Variants in VPS13D observed in about 807,000 individuals in gnomAD.
The protein encoded by VPS13D is intermembrane lipid transfer protein VPS13D.
VPS13D carries 187 observed loss-of-function variants against 461.9 expected under a neutral mutation model. The observed-to-expected ratio is 0.40, with a 90% CI of 0.36 to 0.46. The LOEUF is 0.46. VPS13D is among the 20% of genes least tolerant of loss of function. The pLI is 0.60. For missense variants in VPS13D, 4,711 were observed against 5,364.9 expected, an observed-to-expected ratio of 0.88 and a Z score of 3.81; for synonymous variants, 1,951 against 1,986.3, an observed-to-expected ratio of 0.98 and a Z score of 0.47.
At chr1:12,503,899 G>A (rs1010312340) in intron 68 of VPS13D, among the ~76,000 whole-genome samples, 3 of 152,196 alleles carry the variant, frequency 2.0e-5, no homozygotes, top group Non-Finnish European at 2.9e-5. Context: ...GTGAGGCAAA[G>A]GAAAGCCTGG....
intron 18 of VPS13D, 135 bp from the exon 19 acceptor site, chr1:12,275,690 A>G: frequency 7.4e-6 from 6 of 814,486 alleles, no homozygotes; most frequent in Non-Finnish European, 1.1e-5. Flanking sequence ...CAAAGATATT[A>G]TGCTTAAGAG....
At chr1:12,328,064 A>G (rs964935795) in intron 36 of VPS13D, among the ~76,000 whole-genome samples, 2 of 152,328 alleles carry the variant, frequency 1.3e-5, no homozygotes, top group South Asian at 2.1e-4. Context: ...GGGAATAGGA[A>G]TGGTCTTTGA....
At chr1:12,380,938 G>C (rs1160053342) in intron 57 of VPS13D, among the ~76,000 whole-genome samples, 1 of 152,196 alleles carries the variant, frequency 6.6e-6, no homozygotes, top group Non-Finnish European at 1.5e-5. Context: ...GAGGCAAAGA[G>C]GGCTTGTTAT....
intron 65 of VPS13D, among the ~76,000 whole-genome samples, chr1:12,424,271 G>A (rs139489200): frequency 1.5e-4 from 23 of 152,338 alleles, no homozygotes; most frequent in Admixed American, 1.2e-3. Context: ...GTACCTTCGA[G>A]TTGTTGTACA....
chr1:12,262,973 G>A (rs963532377), intron 13 of VPS13D, among the ~76,000 whole-genome samples: 4 of 152,112 alleles, frequency 2.6e-5, no homozygotes, highest in Admixed American at 6.5e-5. Flanking sequence ...CAAAGTGCCA[G>A]GATTACAGGC....
At position 12,277,959 on chromosome 1, in the gene VPS13D, C is replaced by G; in HGVS notation, c.4371C>G (p.Ser1457=). 1 of 1,614,178 alleles carries G rather than the reference C, an allele frequency of 6.2e-7. No homozygotes were observed. Among genetic ancestry groups the G allele is most frequent in the Non-Finnish European group, 8.5e-7 (1 of 1,180,040 alleles). The change falls in exon 19 of 70, where the codon TCC becomes TCG. Residue 1457 remains serine (S), a synonymous_variant. Transcript: ENST00000620676. ...GAAGCCGGATGTTTTGCCCACCTTC[C>G]GGGTCTGGCAGTGCCAACAGTCAGG... ...SEGSRMFCPP[S]GSGSANSQEE... is the part of the protein sequence containing the mutation.
Position 12,507,508 on chromosome 1 carries a change from G to C in VPS13D, c.13035+415G>C. On this transcript the variant is annotated intron_variant, in intron 69 of 69. Transcript: ENST00000620676. This position sits in a 1 kb window ranked among gnomAD's most constrained non-coding sequence, Gnocchi z 5.3. Reference sequence around the variant, plus strand: ...TCTCCATTGTTTCTCCTTAACAGTGGAAACCGTAACTTTTGTTCTAGTAGC... The same window carrying C: ...TCTCCATTGTTTCTCCTTAACAGTGCAAACCGTAACTTTTGTTCTAGTAGC... The C allele has an allele frequency of 6.5e-6, 3 of 463,312 alleles. No homozygotes were observed. Among genetic ancestry groups the C allele is most frequent in the Non-Finnish European group, 4.3e-6 (1 of 233,364 alleles). The allele number at this position is 463,312 out of a possible 1,614,324, so 28.7% of individuals were successfully genotyped here. A position where few individuals can be genotyped will look rare whatever the true frequency, so the allele number is the denominator to read the frequency against.
intron 13 of VPS13D, among the ~76,000 whole-genome samples, chr1:12,265,279 A>C (rs1641233701): frequency 6.6e-6 from 1 of 152,160 alleles, no homozygotes; most frequent in Non-Finnish European, 1.5e-5. Context: ...TAATTTCAAC[A>C]TTCAAGTTTG....
chr1:12,276,005 C>A lies in VPS13D; in HGVS notation c.2417C>A (p.Ala806Glu). 1 of 1,613,840 alleles carries A rather than the reference C, an allele frequency of 6.2e-7. No individual in the cohort carries two copies. Among genetic ancestry groups the A allele is most frequent in the Non-Finnish European group, 8.5e-7 (1 of 1,179,998 alleles). Residue 806 changes from alanine to glutamate, a missense_variant, in exon 19 of 70, where the codon GCA becomes GAA. By Grantham distance (107) the Ala-to-Glu change is moderately radical. Coordinates refer to ENST00000620676, the MANE Select transcript of VPS13D (RefSeq NM_015378.4). This position sits in a 1 kb window ranked among gnomAD's most constrained non-coding sequence, Gnocchi z 4.5. Reference sequence around the variant, plus strand: ...GAGTTCAGTGAAGAACAGCTTCAAGCACATTTAATGAGCACAAAGATGTAT... The same window carrying A: ...GAGTTCAGTGAAGAACAGCTTCAAGAACATTTAATGAGCACAAAGATGTAT... ...GVEFSEEQLQ[A>E]HLMSTKMYER...
At chr1:12,248,352 G>A (rs1369767319) in intron 5 of VPS13D, among the ~76,000 whole-genome samples, 1 of 148,828 alleles carries the variant, frequency 6.7e-6, no homozygotes, top group Non-Finnish European at 1.5e-5. Context: ...TATTATTATT[G>A]TTATTATTAA....
rs537034740 is a variant in VPS13D at position 12,373,665 on chromosome 1, A to G, written c.10809-85A>G. The G allele has an allele frequency of 8.7e-6, 7 of 806,284 alleles. No individual in the cohort carries two copies. In the African/African-American group the frequency reaches 1.3e-4, roughly 15 times the overall value. 49.9% of individuals were successfully genotyped at this position (806,284 alleles called of 1,614,324 possible). A position where few individuals can be genotyped will look rare whatever the true frequency, so the allele number is the denominator to read the frequency against. On this transcript the variant is annotated intron_variant, in intron 54 of 69. Transcript: ENST00000620676. ...TAATAAAAGTTTTGGGCATTTGCTT[A>G]TTAATACTTGAATACATGTGTGAGT...
chr1:12,364,557 C>G (rs1228242737), intron 52 of VPS13D, among the ~76,000 whole-genome samples: 1 of 152,168 alleles, frequency 6.6e-6, no homozygotes, highest in Non-Finnish European at 1.5e-5. Context: ...TGAGGAACCA[C>G]CATAGGTTTC....
intron 5 of VPS13D, 144 bp downstream of exon 5, chr1:12,244,761 T>C (rs1314073617): frequency 4.2e-6 from 3 of 710,740 alleles, no homozygotes; most frequent in Non-Finnish European, 7.0e-6. Context: ...TCTGCCCTTT[T>C]GTAGGCTGTG....
In VPS13D at chr1:12,242,593, A is replaced by G; in HGVS notation, c.175+3A>G. On this transcript the variant is annotated splice_donor_region_variant and intron_variant, in intron 3 of 69. Transcript: ENST00000620676. ...ATTACCATTTGAAGTCAAAGCTGGT[A>G]TGTGGAACTAAAGGAGGGGGAAGAA... The G allele has an allele frequency of 6.2e-7, 1 of 1,613,566 alleles. No homozygotes were observed. The highest frequency in any genetic ancestry group is 8.5e-7 in the Non-Finnish European group (1 of 1,179,488).
rs1312374980 is a variant in VPS13D, at chr1:12,481,549, G to A, written c.12663-15951G>A. Among the ~76,000 whole-genome samples the A allele has an allele frequency of 2.6e-5, 4 of 152,148 alleles. No individual in the cohort carries two copies. In the South Asian group the frequency reaches 8.3e-4, roughly 32 times the overall value. On this transcript the variant is annotated intron_variant, in intron 67 of 69. Transcript: ENST00000620676. The stretch of plus-strand genomic sequence containing the variant: ...GTTTGGTGTCAACTCTGACCCAAGG[G>A]GTGTATCTGATTTTTATGAAGGCAC...
chr1:12,368,243 C>T (rs533804366), intron 52 of VPS13D, among the ~76,000 whole-genome samples: 3 of 152,236 alleles, frequency 2.0e-5, no homozygotes, highest in Admixed American at 1.3e-4. Context: ...AGAATATCAG[C>T]GTATAAATGT....
At chr1:12,428,928 G>C (rs1190186036) in intron 65 of VPS13D, among the ~76,000 whole-genome samples, 1 of 152,200 alleles carries the variant, frequency 6.6e-6, no homozygotes, top group African/African-American at 2.4e-5. Context: ...TATTGCAGTG[G>C]GGTCTGTGCA....
intron 1 of VPS13D, among the ~76,000 whole-genome samples, chr1:12,233,869 A>C (rs983119882): frequency 6.6e-6 from 1 of 151,778 alleles, no homozygotes; most frequent in Non-Finnish European, 1.5e-5. Flanking sequence ...CAACATGGTG[A>C]AACCCCATCT....
At chr1:12,466,131 C>T (rs555631240) in intron 67 of VPS13D, among the ~76,000 whole-genome samples, 18 of 146,844 alleles carry the variant, frequency 1.2e-4, no homozygotes, top group Admixed American at 8.8e-4. Flanking sequence ...GAGACTCCAT[C>T]TAAAAAAAAA....
Sources: gnomAD v4.1 joint callset for allele counts (sites outside exome capture counted in the v4.1 genomes callset) on GRCh38, gnomAD v4.1.1 for gene constraint, Gnocchi (gnomAD v3.1) non-coding constraint, MANE v1.5 for transcripts, NCBI Gene and HGNC (gene_info 2026-07-23, HGNC 2026-07-21) for gene names.